Variants in GPC5 observed in about 807,000 individuals in gnomAD.
The protein encoded by GPC5 is glypican-5.
In GPC5, 47 loss-of-function variants were observed where a neutral mutation model predicts 53.9. The ratio of observed to expected loss-of-function variants is 0.87; its 90% CI spans 0.69 to 1.11. The LOEUF is 1.11. GPC5 is among the 50% of genes most tolerant of loss of function. The pLI is 0.00. For missense variants in GPC5, 748 were observed against 713.1 expected (o/e 1.05, Z -0.56); for synonymous variants, 286 against 263.3 (o/e 1.09, Z -0.84).
At chr13:92,214,170 A>G (rs1203948830) in intron 7 of GPC5, among the ~76,000 whole-genome samples, 3 of 152,168 alleles carry the variant, frequency 2.0e-5, no homozygotes, top group African/African-American at 7.2e-5. Context: ...CCTTCACGTG[A>G]AAATCAAGGA....
At chr13:92,489,932 G>A (rs1879699325) in intron 7 of GPC5, among the ~76,000 whole-genome samples, 1 of 151,792 alleles carries the variant, frequency 6.6e-6, no homozygotes. Flanking sequence ...TTCTTGGCAG[G>A]ATTTTAAATG....
Position 91,927,097 on chromosome 13 carries a change from AG to A in GPC5, c.1401+19041del, listed in dbSNP as rs2039776696. On this transcript the variant is annotated intron_variant, in intron 6 of 7. Transcript: ENST00000377067. ...CTTAAAATCATAGAAGTGATTTCTC[AG>A]TCAGTTATTGATTTATTCTAATGAA... Among the ~76,000 whole-genome samples, 5 of 152,282 alleles carry A rather than the reference AG, an allele frequency of 3.3e-5. No individual in the cohort carries two copies. In the East Asian group the frequency reaches 7.7e-4, roughly 24 times the overall value.
intron 7 of GPC5, among the ~76,000 whole-genome samples, chr13:92,190,723 A>G (rs1467516758): frequency 2.6e-5 from 4 of 152,148 alleles, no homozygotes; most frequent in Non-Finnish European, 1.5e-5. Context: ...ATGAAAAAGT[A>G]TAATCGATAA....
At chr13:92,284,248 T>C (rs978731235) in intron 7 of GPC5, among the ~76,000 whole-genome samples, 1 of 151,650 alleles carries the variant, frequency 6.6e-6, no homozygotes. Flanking sequence ...CAATAATTAA[T>C]AGCCTACCAA....
intron 7 of GPC5, among the ~76,000 whole-genome samples, chr13:92,783,169 T>C (rs1204267310): frequency 1.3e-5 from 2 of 152,318 alleles, no homozygotes; most frequent in African/African-American, 4.8e-5. Flanking sequence ...ATTTTCCAAC[T>C]GGTAAACCAA....
intron 5 of GPC5, among the ~76,000 whole-genome samples, chr13:91,851,959 A>T (rs1226848745): frequency 6.6e-6 from 1 of 150,470 alleles, no homozygotes; most frequent in Non-Finnish European, 1.5e-5. Flanking sequence ...CGCAATAAAC[A>T]TACGCGTGCA....
chr13:92,596,890 T>TAA (rs1295960122), intron 7 of GPC5, among the ~76,000 whole-genome samples: 2 of 152,142 alleles, frequency 1.3e-5, no homozygotes, highest in Non-Finnish European at 2.9e-5. Flanking sequence ...TTGAATAACT[T>TAA]AAAGAGTCCT....
chr13:92,004,257 C>T (rs2040582944), intron 6 of GPC5, among the ~76,000 whole-genome samples: 1 of 151,134 alleles, frequency 6.6e-6, no homozygotes, highest in Non-Finnish European at 1.5e-5. Context: ...CCATCCTGGC[C>T]AACATGGTGA....
intron 5 of GPC5, among the ~76,000 whole-genome samples, chr13:91,833,652 C>G (rs2038689065): frequency 6.6e-6 from 1 of 152,134 alleles, no homozygotes; most frequent in Non-Finnish European, 1.5e-5. Flanking sequence ...ACATGATTAT[C>G]TCAATAGATG....
At chr13:92,195,564 T>A (rs1391989107) in intron 7 of GPC5, among the ~76,000 whole-genome samples, 2 of 152,150 alleles carry the variant, frequency 1.3e-5, no homozygotes, top group Non-Finnish European at 2.9e-5. Context: ...CCCACTCATA[T>A]GCTTCTACTG....
At chr13:91,954,002 C>T (rs2040050424) in intron 6 of GPC5, among the ~76,000 whole-genome samples, 2 of 152,090 alleles carry the variant, frequency 1.3e-5, no homozygotes, top group Non-Finnish European at 1.5e-5. Flanking sequence ...ATTACATACA[C>T]ATCAAGAAAT....
intron 7 of GPC5, among the ~76,000 whole-genome samples, chr13:92,850,622 AGGGATAGATAGCATC>A (rs1878763194): frequency 6.6e-6 from 1 of 152,228 alleles, no homozygotes; most frequent in Admixed American, 6.5e-5. Context: ...AAAATCATAC[AGGGATAGATAGCATC>A]AGTTATCCTT....
Position 92,354,227 on chromosome 13 carries a change from T to C in GPC5, c.1561+209238T>C, listed in dbSNP as rs151277869. Among the ~76,000 whole-genome samples the C allele has an allele frequency of 2.1e-4, 32 of 152,356 alleles. No individual in the cohort carries two copies. In the East Asian group the frequency reaches 5.2e-3, roughly 25 times the overall value. ...ATTCTGATAACAAGTTGTACTGATATACTTTTCCACAAAGAAATCACGCTA... is the reference window on the plus strand; with the variant it reads ...ATTCTGATAACAAGTTGTACTGATACACTTTTCCACAAAGAAATCACGCTA... On this transcript the variant is annotated intron_variant, in intron 7 of 7. Coordinates refer to ENST00000377067, the MANE Select transcript of GPC5 (RefSeq NM_004466.6).
intron 7 of GPC5, among the ~76,000 whole-genome samples, chr13:92,383,394 A>G (rs1353339531): frequency 2.6e-5 from 4 of 152,178 alleles, no homozygotes; most frequent in Admixed American, 2.6e-4. Flanking sequence ...CCTCTAATAC[A>G]TTTGTCTTGT....
At chr13:92,498,443 A>G (rs1473440668) in intron 7 of GPC5, among the ~76,000 whole-genome samples, 11 of 152,148 alleles carry the variant, frequency 7.2e-5, no homozygotes, top group Non-Finnish European at 1.5e-5. Flanking sequence ...TCTTAGTGGC[A>G]TACATGAGCC....
At chr13:92,448,059 G>T (rs967919355) in intron 7 of GPC5, 1 of 152,022 alleles carries the variant, frequency 6.6e-6, no homozygotes, top group Non-Finnish European at 1.5e-5. Flanking sequence ...GGTGATTGAA[G>T]AAAATGCAGC....
intron 7 of GPC5, among the ~76,000 whole-genome samples, chr13:92,480,006 G>A (rs1449499263): frequency 3.9e-5 from 6 of 152,150 alleles, no homozygotes; most frequent in Admixed American, 3.3e-4. Flanking sequence ...TACAAAGTGG[G>A]CCAGGCATGC....
At chr13:91,767,190 T>C (rs988198093) in intron 5 of GPC5, among the ~76,000 whole-genome samples, 6 of 152,184 alleles carry the variant, frequency 3.9e-5, no homozygotes, top group Non-Finnish European at 8.8e-5. Context: ...GGATTTGGGT[T>C]TGGGAATAGG....
chr13:92,076,073 G>C (rs1594754029), intron 6 of GPC5, among the ~76,000 whole-genome samples: 1 of 113,670 alleles, frequency 8.8e-6, no homozygotes, highest in Middle Eastern at 6.0e-3. Context: ...AGTTTCGAAA[G>C]TATAATTTTT....
Sources: gnomAD v4.1 joint callset for allele counts (sites outside exome capture counted in the v4.1 genomes callset) on GRCh38, gnomAD v4.1.1 for gene constraint, MANE v1.5 for transcripts, NCBI Gene and HGNC (gene_info 2026-07-23, HGNC 2026-07-21) for gene names.